Variants in CLEC1A observed in about 807,000 individuals in gnomAD.
The protein encoded by CLEC1A is C-type lectin domain family 1 member A.
CLEC1A carries 34 observed loss-of-function variants against 28.7 expected under a neutral mutation model. The observed-to-expected ratio is 1.18, with a 90% CI of 0.90 to 1.57. CLEC1A has a LOEUF of 1.57. CLEC1A is among the 40% of genes most tolerant of loss of function. The probability of loss-of-function intolerance (pLI) is 0.00; values close to 1 mark genes in which losing one functional copy is unlikely to be tolerated. For synonymous variants in CLEC1A, 116 were observed against 121.0 expected (o/e 0.96, Z 0.27); for missense variants, 385 against 339.5 (o/e 1.13, Z -1.05).
chr12:10,073,753 G>A (rs1229666997), intron 4 of CLEC1A, among the ~76,000 whole-genome samples: 2 of 152,150 alleles, frequency 1.3e-5, no homozygotes, highest in Non-Finnish European at 2.9e-5. Context: ...AAGAGATGCA[G>A]AATGATTCTG....
chr12:10,089,395 G>T (rs780163773), intron 1 of CLEC1A, among the ~76,000 whole-genome samples, 173 bp from the exon 2 acceptor site: 13 of 152,140 alleles, frequency 8.5e-5, no homozygotes, highest in Non-Finnish European at 1.5e-4. Context: ...ATAAGGCTCA[G>T]TGCAAGCCTC....
chr12:10,076,581 C>T (rs1405254432), intron 3 of CLEC1A, among the ~76,000 whole-genome samples: 2 of 152,158 alleles, frequency 1.3e-5, no homozygotes, highest in Admixed American at 6.5e-5. Flanking sequence ...GGTCGGCTTG[C>T]TTCAGAATTC....
rs764095566 is a variant in CLEC1A at position 10,098,870 on chromosome 12, G to T, written c.53C>A (p.Thr18Asn). ...TRDMLDDDGDTTMSLHSQGSA... is the reference protein window; with the variant it reads ...TRDMLDDDGDNTMSLHSQGSA... ...GCCTTGAGAATGCAGGCTCATGGTG[G>T]TGTCCCCATCATCATCCAGCATGTC... The change falls in exon 1 of 6, where the codon ACC becomes AAC. Residue 18 changes from threonine (T) to asparagine (N), a missense_variant. Physicochemically the swap from Thr to Asn is moderately conservative, Grantham distance 65. Coordinates refer to ENST00000315330, the MANE Select transcript of CLEC1A (RefSeq NM_016511.4). The T allele has an allele frequency of 1.9e-6, 3 of 1,613,724 alleles. No individual in the cohort carries two copies. The Admixed American group carries it at 5.0e-5, about 27-fold the overall frequency.
In CLEC1A at chr12:10,087,277, TG is replaced by T. The variant is rs1186471564; in HGVS notation, c.214+1846del. ...AAAAAGATAATACCCCATGATAAAG[TG>T]GGTTTTATCCCAGGGATGCAGGGAT... On this transcript the variant is annotated intron_variant, in intron 2 of 5. Transcript: ENST00000315330. Among the ~76,000 whole-genome samples, 3 of 146,516 alleles carry T rather than the reference TG, an allele frequency of 2.0e-5. No individual in the cohort carries two copies. The East Asian group carries it at 6.0e-4, about 29-fold the overall frequency.
At position 10,086,183 on chromosome 12, in the gene CLEC1A, C is replaced by T. The variant is rs578067824; in HGVS notation, c.214+2941G>A. 1.3e-4 allele frequency among the ~76,000 whole-genome samples: 20 copies of T among 152,034 alleles called. No individual in the cohort carries two copies. The South Asian group carries it at 4.1e-3, about 32-fold the overall frequency. On this transcript the variant is annotated intron_variant, in intron 2 of 5. Transcript: ENST00000315330. ...ACTTATGAAAACCTCTAGCATACAG[C>T]AAAAGCGGTGCTAAGAGGAAAGTTC...
intron 2 of CLEC1A, among the ~76,000 whole-genome samples, chr12:10,086,606 G>A (rs756644083): frequency 3.3e-5 from 5 of 152,056 alleles, no homozygotes; most frequent in South Asian, 2.1e-4. Context: ...GATTAAACCA[G>A]GAATAAATAG....
chr12:10,071,208 G>T lies in CLEC1A; in HGVS notation c.*125C>A. 1.2e-6 allele frequency: 1 copy of T among 845,638 alleles called. No homozygotes were observed. The highest frequency in any genetic ancestry group is 2.6e-5 in the East Asian group (1 of 38,488). 52.4% of individuals were successfully genotyped at this position (845,638 alleles called of 1,614,324 possible). ...TGGTGATCCTGAACAGGAAACACGA[G>T]AACCCATTTTGTACTAGTCAGAGAG... On this transcript the variant is annotated 3_prime_UTR_variant, in exon 6 of 6. Transcript: ENST00000315330.
chr12:10,096,921 G>A lies in CLEC1A; in HGVS notation c.115+1887C>T, dbSNP rs1054141720. ...AGGTAAAAATTAAGCCGAGAGCTTG[G>A]TTAAGCTCTCGGCTGTACTGTACAT... is the stretch of plus-strand genomic sequence containing the variant. On this transcript the variant is annotated intron_variant, in intron 1 of 5. Coordinates refer to ENST00000315330, the MANE Select transcript of CLEC1A (RefSeq NM_016511.4). 3.3e-5 allele frequency among the ~76,000 whole-genome samples: 5 copies of A among 152,044 alleles called. No individual in the cohort carries two copies. The South Asian group carries it at 6.2e-4, about 19-fold the overall frequency.
chr12:10,085,462 C>T (rs535689798), intron 2 of CLEC1A, among the ~76,000 whole-genome samples: 8 of 148,752 alleles, frequency 5.4e-5, no homozygotes, highest in South Asian at 2.1e-4. Flanking sequence ...AGATATTCCA[C>T]GCAAATGGAA....
At chr12:10,092,615 A>G in intron 1 of CLEC1A, 1 of 165,806 alleles carries the variant, frequency 6.0e-6, no homozygotes, top group East Asian at 1.9e-4. Flanking sequence ...CTCTCGCATA[A>G]TATTGAGGAC....
At chr12:10,076,790 G>A (rs949201243) in intron 3 of CLEC1A, among the ~76,000 whole-genome samples, 1 of 152,186 alleles carries the variant, frequency 6.6e-6, no homozygotes, top group Non-Finnish European at 1.5e-5. Context: ...TTTCAACTAT[G>A]GTCCCTGTTG....
intron 3 of CLEC1A, 49 bp downstream of exon 3, chr12:10,081,186 ATC>A (rs1408051847): frequency 2.1e-6 from 3 of 1,433,818 alleles, no homozygotes; most frequent in African/African-American, 1.5e-5. Flanking sequence ...CGGGAAATCC[ATC>A]TCTCTGTTTC....
intron 3 of CLEC1A, among the ~76,000 whole-genome samples, chr12:10,075,929 A>G (rs751071139): frequency 4.6e-5 from 7 of 152,248 alleles, no homozygotes; most frequent in African/African-American, 7.2e-5. Flanking sequence ...CCACTTGCCT[A>G]TGAAATTCAG....
rs1334218358 is a variant in CLEC1A, at chr12:10,098,729, C to A, written c.115+79G>T. On this transcript the variant is annotated intron_variant, in intron 1 of 5. Coordinates refer to ENST00000315330, the MANE Select transcript of CLEC1A (RefSeq NM_016511.4). Reference sequence around the variant, plus strand: ...AAATTATAAGATGCAAGCTAAATATCTCCATTTCTAGGAGGGATAGATCAT... The same window carrying A: ...AAATTATAAGATGCAAGCTAAATATATCCATTTCTAGGAGGGATAGATCAT... The A allele has an allele frequency of 8.3e-6, 7 of 838,552 alleles. No individual in the cohort carries two copies. In the African/African-American group the frequency reaches 1.2e-4, roughly 14 times the overall value. The allele number at this position is 838,552 out of a possible 1,614,324, so 51.9% of individuals were successfully genotyped here.
chr12:10,092,387 A>G, intron 1 of CLEC1A: 2 of 369,604 alleles, frequency 5.4e-6, no homozygotes, highest in South Asian at 3.9e-5. Context: ...CTCTATAAAA[A>G]ATTTTTAAAA....
At chr12:10,078,834 G>A (rs1464876073) in intron 3 of CLEC1A, among the ~76,000 whole-genome samples, 2 of 152,100 alleles carry the variant, frequency 1.3e-5, no homozygotes. Flanking sequence ...AGCTTGGTGA[G>A]TTCTCGCTCT....
In CLEC1A at chr12:10,070,502, A is replaced by G. The variant is rs780890896; in HGVS notation, c.*831T>C. On this transcript the variant is annotated 3_prime_UTR_variant, in exon 6 of 6. Transcript: ENST00000315330. ...ACACTTCACAGTATTTACATTTATTATTATTAAATCTTCAGTACCTGAAAG... is the reference window on the plus strand; with the variant it reads ...ACACTTCACAGTATTTACATTTATTGTTATTAAATCTTCAGTACCTGAAAG... The G allele has an allele frequency of 2.6e-5, 4 of 152,246 alleles. No individual in the cohort carries two copies. Among genetic ancestry groups the G allele is most frequent in the Non-Finnish European group, 4.4e-5 (3 of 68,038 alleles). The allele number at this position is 152,246 out of a possible 1,614,324, so 9.4% of individuals were successfully genotyped here.
chr12:10,095,117 T>C (rs1947759815), intron 1 of CLEC1A, among the ~76,000 whole-genome samples: 1 of 152,262 alleles, frequency 6.6e-6, no homozygotes, highest in African/African-American at 2.4e-5. Context: ...TAATGTCTTG[T>C]CATTAGTAGG....
chr12:10,089,862 T>C (rs1456094975), intron 1 of CLEC1A, among the ~76,000 whole-genome samples: 1 of 152,226 alleles, frequency 6.6e-6, no homozygotes, highest in East Asian at 1.9e-4. Context: ...TGATAATCAA[T>C]TTCAGAAAGA....
Sources: allele counts gnomAD v4.1 joint callset (sites outside exome capture counted in the v4.1 genomes callset), GRCh38; gene constraint gnomAD v4.1.1; transcripts MANE v1.5; gene names NCBI Gene and HGNC (gene_info 2026-07-23, HGNC 2026-07-21).